UNC13C: variants seen among roughly 807,000 people sequenced by gnomAD.
The protein encoded by UNC13C is unc-13 homolog C.
A neutral mutation model predicts 245.4 loss-of-function variants in UNC13C; 174 were observed. The ratio of observed to expected loss-of-function variants is 0.71; its 90% CI spans 0.63 to 0.80. The LOEUF (loss-of-function observed/expected upper bound fraction) is 0.80. Among genes scored for constraint, UNC13C ranks in the 30% least tolerant of loss-of-function variants. The probability of loss-of-function intolerance (pLI) is 0.00; values close to 1 mark genes in which losing one functional copy is unlikely to be tolerated. For synonymous variants in UNC13C, 992 were observed against 895.1 expected (o/e 1.11, Z -1.93); for missense variants, 2,829 against 2,602.9 (o/e 1.09, Z -1.89).
At chr15:54,105,821 C>T (rs1595862270) in intron 2 of UNC13C, among the ~76,000 whole-genome samples, 1 of 152,106 alleles carries the variant, frequency 6.6e-6, no homozygotes, top group East Asian at 1.9e-4. Context: ...GGACAGTAAA[C>T]AGAATAATTG....
At chr15:54,281,574 A>G (rs1316492929) in intron 10 of UNC13C, among the ~76,000 whole-genome samples, 3 of 152,210 alleles carry the variant, frequency 2.0e-5, no homozygotes, top group Admixed American at 1.3e-4. Context: ...ACAGAATGCA[A>G]CAGTGGGAGA....
At chr15:54,481,878 A>C (rs12915430) in intron 19 of UNC13C, among the ~76,000 whole-genome samples, 46,417 of 151,908 alleles carry the variant, frequency 0.31, 7,577 homozygotes, top group East Asian at 0.52. Context: ...TATAGGCAGC[A>C]GTGGTGATGT....
chr15:53,993,838 A>T (rs1595688934), intron 1 of UNC13C, among the ~76,000 whole-genome samples: 2 of 152,090 alleles, frequency 1.3e-5, no homozygotes, highest in Admixed American at 6.6e-5. Flanking sequence ...TCAAGGCCTC[A>T]ATAATGGTCT....
In UNC13C at chr15:54,012,760, G is replaced by A. The variant is rs2140990121; in HGVS notation, c.-144G>A. 1 of 655,756 alleles carries A rather than the reference G, an allele frequency of 1.5e-6. No individual in the cohort carries two copies. The highest frequency in any genetic ancestry group is 2.0e-5 in the South Asian group (1 of 49,020). 40.6% of individuals were successfully genotyped at this position (655,756 alleles called of 1,614,324 possible). A position where few individuals can be genotyped will look rare whatever the true frequency, so the allele number is the denominator to read the frequency against. On this transcript the variant is annotated 5_prime_UTR_variant, in exon 2 of 33. It adds an upstream start codon to the 5' untranslated region. Coordinates refer to ENST00000260323, the MANE Select transcript of UNC13C (RefSeq NM_001080534.3). ...CTGGTTTGCACAGGACAGCGACAAT[G>A]TGGCAGAGCCATGCCTGCCCTTCCT...
At position 54,143,635 on chromosome 15, in the gene UNC13C, G is replaced by T; in HGVS notation, c.3022G>T (p.Gly1008Cys). 1 of 1,613,198 alleles carries T rather than the reference G, an allele frequency of 6.2e-7. No homozygotes were observed. ...SVDEKARIVS[G>C]NDLDASKFSA... is the part of the protein sequence containing the mutation. Reference sequence around the variant, plus strand: ...TTCATTTAAGGCTCGAATAGTAAGTGGCAATGATTTGGATGCTTCCAAATT... The same window carrying T: ...TTCATTTAAGGCTCGAATAGTAAGTTGCAATGATTTGGATGCTTCCAAATT... The change falls in exon 4 of 33, where the codon GGC (glycine) becomes TGC (cysteine). Residue 1008 changes from glycine (G) to cysteine (C), a missense_variant. Gly to Cys is a radical substitution (Grantham distance 159, BLOSUM62 -3). Coordinates refer to ENST00000260323, the MANE Select transcript of UNC13C (RefSeq NM_001080534.3).
the UNC13C span, among the ~76,000 whole-genome samples, chr15:53,853,351 G>T: frequency 6.6e-6 from 1 of 152,114 alleles, no homozygotes; most frequent in South Asian, 2.1e-4. Context: ...TTTTATGGTT[G>T]CACAGTATTC....
chr15:54,209,406 C>G (rs968324772), intron 4 of UNC13C, among the ~76,000 whole-genome samples: 1 of 146,892 alleles, frequency 6.8e-6, no homozygotes, highest in South Asian at 2.2e-4. Flanking sequence ...TTAGTGTTTT[C>G]TTTTTGGTTT....
chr15:54,067,230 C>T (rs777149671), intron 2 of UNC13C, among the ~76,000 whole-genome samples: 64 of 152,216 alleles, frequency 4.2e-4, no homozygotes, highest in Non-Finnish European at 8.7e-4. Flanking sequence ...ATTGTCGTCA[C>T]ATAAACATCA....
At chr15:54,171,827 A>C (rs1487735569) in intron 4 of UNC13C, among the ~76,000 whole-genome samples, 1 of 152,152 alleles carries the variant, frequency 6.6e-6, no homozygotes, top group Non-Finnish European at 1.5e-5. Flanking sequence ...GGTATTATTC[A>C]CCATAGCTAA....
chr15:53,845,919 T>C, the UNC13C span, among the ~76,000 whole-genome samples: 1 of 152,262 alleles, frequency 6.6e-6, no homozygotes, highest in East Asian at 1.9e-4. Context: ...CTTCTCTTTT[T>C]TTTTACTTTA....
At chr15:54,158,985 C>T (rs962850207) in intron 4 of UNC13C, among the ~76,000 whole-genome samples, 4 of 152,108 alleles carry the variant, frequency 2.6e-5, no homozygotes, top group African/African-American at 9.7e-5. Flanking sequence ...CTGAGACCAG[C>T]CTTTTTTCTT....
intron 26 of UNC13C, among the ~76,000 whole-genome samples, chr15:54,540,705 T>C (rs16974746): frequency 0.045 from 6,840 of 152,178 alleles, 491 homozygotes; most frequent in African/African-American, 0.15. Context: ...ACTAAGACCT[T>C]ACCCCTTCAC....
At position 54,578,588 on chromosome 15, in the gene UNC13C, A is replaced by G. The variant is rs144086643; in HGVS notation, c.6106+10641A>G. 1.2e-4 allele frequency among the ~76,000 whole-genome samples: 18 copies of G among 152,362 alleles called. 1 individual carries two copies. The East Asian group carries it at 3.5e-3, about 29-fold the overall frequency. On this transcript the variant is annotated intron_variant, in intron 30 of 32. Coordinates refer to ENST00000260323, the MANE Select transcript of UNC13C (RefSeq NM_001080534.3). ...GCACTTGACATTTGTTTACATCTAAAGTTACGTATAAAGTTTACCTATAAA... is the reference window on the plus strand; with the variant it reads ...GCACTTGACATTTGTTTACATCTAAGGTTACGTATAAAGTTTACCTATAAA...
chr15:54,167,837 A>AG (rs2033240909), intron 4 of UNC13C, among the ~76,000 whole-genome samples: 2 of 152,170 alleles, frequency 1.3e-5, no homozygotes, highest in Non-Finnish European at 2.9e-5. Flanking sequence ...GTCACATCAA[A>AG]AGAACATATA....
intron 25 of UNC13C, among the ~76,000 whole-genome samples, chr15:54,526,531 A>T (rs994434961): frequency 6.6e-6 from 1 of 152,010 alleles, no homozygotes; most frequent in African/African-American, 2.4e-5. Context: ...GGAGATCGAG[A>T]CCATCCTGGC....
chr15:53,905,397 T>TACACACACACACACACACAC, the UNC13C span, among the ~76,000 whole-genome samples: 1 of 46,262 alleles, frequency 2.2e-5, no homozygotes, highest in Non-Finnish European at 4.4e-5. Context: ...TATATTACTT[T>TACACACACACACACACACAC]ATACACACAC....
At chr15:54,191,105 G>T (rs1800826830) in intron 4 of UNC13C, among the ~76,000 whole-genome samples, 1 of 152,036 alleles carries the variant, frequency 6.6e-6, no homozygotes, top group Non-Finnish European at 1.5e-5. Flanking sequence ...GAACATGCAG[G>T]TTTGTTACAT....
At chr15:54,383,648 T>G (rs868522036) in intron 17 of UNC13C, among the ~76,000 whole-genome samples, 6 of 152,130 alleles carry the variant, frequency 3.9e-5, no homozygotes, top group African/African-American at 1.4e-4. Context: ...CTATGCAACA[T>G]GGTGCTGGAA....
chr15:54,488,113 A>G (rs1489629136), intron 19 of UNC13C, among the ~76,000 whole-genome samples: 2 of 152,164 alleles, frequency 1.3e-5, no homozygotes, highest in Non-Finnish European at 2.9e-5. Context: ...TACATGGCTT[A>G]CCATTCTTAG....
Sources: gnomAD v4.1 joint callset for allele counts (sites outside exome capture counted in the v4.1 genomes callset) on GRCh38, gnomAD v4.1.1 for gene constraint, MANE v1.5 for transcripts, NCBI Gene and HGNC (gene_info 2026-07-23, HGNC 2026-07-21) for gene names.